Variants in PFDN1 observed in about 807,000 individuals in gnomAD.
The protein encoded by PFDN1 is prefoldin 1.
Under a neutral mutation model 17.3 loss-of-function variants are expected in PFDN1, and 6 were observed. The observed-to-expected ratio is 0.35, with a 90% CI of 0.19 to 0.69. PFDN1 has a LOEUF of 0.69. Ranked by LOEUF, PFDN1 falls within the 30% of genes least tolerant of loss-of-function variation. PFDN1 has a pLI of 0.65. For synonymous variants in PFDN1, 58 were observed against 50.1 expected (o/e 1.16, Z -0.67); for missense variants, 113 against 146.2 (o/e 0.77, Z 1.17).
intron 3 of PFDN1, among the ~76,000 whole-genome samples, chr5:140,249,009 A>C (rs1052116469): frequency 2.0e-5 from 3 of 152,240 alleles, no homozygotes; most frequent in African/African-American, 7.2e-5. Flanking sequence ...ATTTCTTAAA[A>C]GAAAAAATTC....
intron 1 of PFDN1, 85 bp from the exon 2 acceptor site, chr5:140,300,667 A>G: frequency 2.3e-6 from 2 of 871,436 alleles, no homozygotes; most frequent in Non-Finnish European, 1.8e-6. Flanking sequence ...AAAACAAAAT[A>G]TGCTAGCCAG....
intron 3 of PFDN1, among the ~76,000 whole-genome samples, chr5:140,266,129 G>A (rs1190513600): frequency 1.3e-5 from 2 of 152,186 alleles, no homozygotes; most frequent in Non-Finnish European, 2.9e-5. Flanking sequence ...GACATATGGG[G>A]AAGGAAGAGG....
At chr5:140,295,663 T>G (rs1765642215) in intron 2 of PFDN1, among the ~76,000 whole-genome samples, 2 of 152,214 alleles carry the variant, frequency 1.3e-5, no homozygotes, top group South Asian at 4.1e-4. Flanking sequence ...AATATAGCTT[T>G]GAGCAACAAA....
chr5:140,290,771 G>C (rs558163044), intron 2 of PFDN1, among the ~76,000 whole-genome samples: 3 of 152,194 alleles, frequency 2.0e-5, no homozygotes, highest in East Asian at 3.9e-4. Context: ...TCACCCAACT[G>C]TACTCCTAAA....
intron 3 of PFDN1, among the ~76,000 whole-genome samples, chr5:140,279,788 G>C (rs1765362026): frequency 6.6e-6 from 1 of 151,802 alleles, no homozygotes; most frequent in Admixed American, 6.6e-5. Flanking sequence ...CTGAGGTCGG[G>C]AGTTCGAGAC....
intron 3 of PFDN1, among the ~76,000 whole-genome samples, chr5:140,258,079 G>C (rs1213000995): frequency 1.3e-5 from 2 of 152,188 alleles, no homozygotes; most frequent in East Asian, 1.9e-4. Flanking sequence ...ACAGAGATGA[G>C]GCTGGTGAGG....
chr5:140,261,432 T>A (rs1765064355), intron 3 of PFDN1, among the ~76,000 whole-genome samples: 1 of 152,184 alleles, frequency 6.6e-6, no homozygotes, highest in Non-Finnish European at 1.5e-5. Context: ...AGAGTAAACT[T>A]CTATGTGATC....
chr5:140,271,752 T>C (rs886491525), intron 3 of PFDN1, among the ~76,000 whole-genome samples: 3 of 151,996 alleles, frequency 2.0e-5, no homozygotes, highest in Non-Finnish European at 2.9e-5. Context: ...GTGGTACTTC[T>C]ATATGACGGG....
At chr5:140,298,243 G>A (rs1424835688) in intron 2 of PFDN1, among the ~76,000 whole-genome samples, 2 of 151,924 alleles carry the variant, frequency 1.3e-5, no homozygotes, top group South Asian at 4.2e-4. Context: ...TAAAGATATG[G>A]ATTAGTCAGT....
At chr5:140,296,749 C>G (rs1233359536) in intron 2 of PFDN1, among the ~76,000 whole-genome samples, 1 of 152,192 alleles carries the variant, frequency 6.6e-6, no homozygotes, top group African/African-American at 2.4e-5. Context: ...ACAGACATCA[C>G]TAATCAATTA....
chr5:140,266,621 G>A (rs1416854418), intron 3 of PFDN1, among the ~76,000 whole-genome samples: 2 of 152,208 alleles, frequency 1.3e-5, no homozygotes, highest in African/African-American at 4.8e-5. Context: ...TGAGATTTCA[G>A]ACTACGAAAA....
chr5:140,258,953 A>G (rs966500391), intron 3 of PFDN1, among the ~76,000 whole-genome samples: 1 of 152,232 alleles, frequency 6.6e-6, no homozygotes, highest in Non-Finnish European at 1.5e-5. Context: ...ATTCCTAGGT[A>G]AAGAACATAC....
At chr5:140,260,378 CA>C (rs1765046177) in intron 3 of PFDN1, among the ~76,000 whole-genome samples, 2 of 115,482 alleles carry the variant, frequency 1.7e-5, no homozygotes, top group Non-Finnish European at 3.7e-5. Context: ...GACATACAAA[CA>C]AAAACTTGTA....
chr5:140,286,307 G>C (rs1327612979), intron 2 of PFDN1, among the ~76,000 whole-genome samples: 3 of 150,372 alleles, frequency 2.0e-5, no homozygotes, highest in African/African-American at 7.3e-5. Flanking sequence ...AGCTACTCGA[G>C]AGGCTGAGAC....
chr5:140,256,077 C>G (rs576959308), intron 3 of PFDN1, among the ~76,000 whole-genome samples: 67 of 152,200 alleles, frequency 4.4e-4, no homozygotes, highest in Non-Finnish European at 9.3e-4. Context: ...CACCACACTT[C>G]TATTCTCCTC....
At chr5:140,295,873 C>T (rs956322792) in intron 2 of PFDN1, among the ~76,000 whole-genome samples, 1 of 151,812 alleles carries the variant, frequency 6.6e-6, no homozygotes, top group African/African-American at 2.4e-5. Context: ...ATCTGACTTA[C>T]ATTCTGTGTG....
At chr5:140,298,219 C>T (rs566882027) in intron 2 of PFDN1, among the ~76,000 whole-genome samples, 71 of 152,122 alleles carry the variant, frequency 4.7e-4, no homozygotes, top group African/African-American at 1.6e-3. Context: ...TTAACATAAT[C>T]TAATTCTGAA....
At chr5:140,252,956 C>T (rs114307768) in intron 3 of PFDN1, among the ~76,000 whole-genome samples, 298 of 152,284 alleles carry the variant, frequency 2.0e-3, no homozygotes, top group African/African-American at 6.4e-3. Flanking sequence ...AAGCGGTCCA[C>T]GGATATGCCC....
intron 3 of PFDN1, among the ~76,000 whole-genome samples, chr5:140,255,352 G>A (rs754238226): frequency 6.6e-6 from 1 of 152,208 alleles, no homozygotes; most frequent in Non-Finnish European, 1.5e-5. Flanking sequence ...TGAGGTGGGA[G>A]GATCACTTGA....
Sources: gnomAD v4.1 joint callset for allele counts (sites outside exome capture counted in the v4.1 genomes callset) on GRCh38, gnomAD v4.1.1 for gene constraint, MANE v1.5 for transcripts, NCBI Gene and HGNC (gene_info 2026-07-23, HGNC 2026-07-21) for gene names.